Variants in CENPK observed in about 807,000 individuals in gnomAD.
The protein encoded by CENPK is centromere protein K, also known as SoxLZ/Sox6-binding protein Solt.
CENPK carries 46 observed loss-of-function variants against 40.9 expected under a neutral mutation model. The observed-to-expected ratio is 1.13, with a 90% CI of 0.89 to 1.44. The LOEUF (loss-of-function observed/expected upper bound fraction) is 1.44, where lower values mean the gene tolerates loss of function less well. CENPK is among the 40% of genes most tolerant of loss of function. The pLI is 0.00. For missense variants in CENPK, 288 were observed against 303.5 expected (o/e 0.95, Z 0.38); for synonymous variants, 107 against 104.4 (o/e 1.02, Z -0.15).
At chr5:65,558,420 A>G (rs1236043641) in intron 2 of CENPK, among the ~76,000 whole-genome samples, 1 of 152,214 alleles carries the variant, frequency 6.6e-6, no homozygotes, top group Non-Finnish European at 1.5e-5. Flanking sequence ...GGTCATCAGA[A>G]TATCAAGAGT....
At chr5:65,549,278 G>A (rs758686518) in intron 5 of CENPK, among the ~76,000 whole-genome samples, 5 of 152,104 alleles carry the variant, frequency 3.3e-5, no homozygotes, top group African/African-American at 1.2e-4. Flanking sequence ...CTATAAACAG[G>A]TGTACTGTCA....
At chr5:65,557,225 C>T (rs543381283) in intron 2 of CENPK, among the ~76,000 whole-genome samples, 1 of 152,254 alleles carries the variant, frequency 6.6e-6, no homozygotes, top group South Asian at 2.1e-4. Context: ...GGAGACAGGT[C>T]AAGTAAATTA....
rs545743790 is a variant in CENPK at position 65,537,036 on chromosome 5, T to C, written c.288+5766A>G. Among the ~76,000 whole-genome samples, 17 of 152,336 alleles carry C rather than the reference T, an allele frequency of 1.1e-4. No individual in the cohort carries two copies. The East Asian group carries it at 3.1e-3, about 28-fold the overall frequency. ...ACTTCCACCTTCTATCCTTTTGCTG[T>C]GCTATAATACAGTAAGATGGCCTTC... is the stretch of plus-strand genomic sequence containing the variant. On this transcript the variant is annotated intron_variant, in intron 6 of 10. Transcript: ENST00000396679.
At chr5:65,559,629 A>AG (rs1491143511) in intron 2 of CENPK, among the ~76,000 whole-genome samples, 2 of 136,368 alleles carry the variant, frequency 1.5e-5, no homozygotes, top group African/African-American at 2.8e-5. Context: ...ACTCCGTCTC[A>AG]GAAAAAAAAA....
intron 9 of CENPK, among the ~76,000 whole-genome samples, chr5:65,525,743 T>C (rs913253180): frequency 6.6e-6 from 1 of 152,180 alleles, no homozygotes; most frequent in Non-Finnish European, 1.5e-5. Context: ...CCAATATGAA[T>C]GGTTTCCTCA....
intron 6 of CENPK, among the ~76,000 whole-genome samples, chr5:65,539,173 A>G (rs947645471): frequency 9.8e-5 from 15 of 152,328 alleles, no homozygotes; most frequent in African/African-American, 3.6e-4. Flanking sequence ...CTGGACATTC[A>G]TATTTAAAAC....
At chr5:65,542,991 T>C (rs1748245255) in intron 5 of CENPK, 143 bp from the exon 6 acceptor site, 3 of 648,720 alleles carry the variant, frequency 4.6e-6, no homozygotes, top group Middle Eastern at 8.7e-4. Flanking sequence ...CAAGGCAGAG[T>C]TTCCCTCTTG....
chr5:65,497,358 G>A, the CENPK span, among the ~76,000 whole-genome samples: 2 of 151,806 alleles, frequency 1.3e-5, no homozygotes, highest in Non-Finnish European at 2.9e-5. Flanking sequence ...GACAAAGTGG[G>A]ACTCCCTTTC....
chr5:65,545,322 GCGCA>G lies in CENPK; in HGVS notation c.242-2478_242-2475del, dbSNP rs1161896390. ...AAGACAAAGAAAAAGTCCTCAAAGC[GCGCA>G]CACACACACACACACACACACACAC... is the stretch of plus-strand genomic sequence containing the variant. On this transcript the variant is annotated intron_variant, in intron 5 of 10. Transcript: ENST00000396679. Among the ~76,000 whole-genome samples, 386 of 133,192 alleles carry G rather than the reference GCGCA, an allele frequency of 2.9e-3. 20 individuals are homozygous for G. Among genetic ancestry groups the G allele is most frequent in the African/African-American group, 0.011 (338 of 32,126 alleles). 87.4% of individuals were successfully genotyped at this position (133,192 alleles called of 152,430 possible).
intron 5 of CENPK, chr5:65,551,269 A>AGG: frequency 3.0e-6 from 1 of 338,082 alleles, no homozygotes; most frequent in Non-Finnish European, 5.6e-6. Flanking sequence ...AAAAAAAAAA[A>AGG]AAAGGAACAA....
intron 1 of CENPK, 183 bp downstream of exon 1, chr5:65,562,915 C>T (rs1476423159): frequency 6.2e-6 from 1 of 161,312 alleles, no homozygotes; most frequent in Non-Finnish European, 1.4e-5. Context: ...ACCCTTCCAT[C>T]TTTCTCTAAA....
chr5:65,524,732 G>C (rs1305835383), intron 9 of CENPK: 1 of 152,688 alleles, frequency 6.5e-6, no homozygotes, highest in East Asian at 1.9e-4. Flanking sequence ...TAGAATGAAG[G>C]CTAAATATAA....
intron 9 of CENPK, among the ~76,000 whole-genome samples, chr5:65,524,071 A>G (rs142806706): frequency 1.3e-5 from 2 of 152,282 alleles, no homozygotes; most frequent in Admixed American, 6.5e-5. Context: ...GAAGGATTAA[A>G]CTTAACAACT....
chr5:65,534,552 G>A (rs1193492180), intron 6 of CENPK, among the ~76,000 whole-genome samples: 1 of 152,052 alleles, frequency 6.6e-6, no homozygotes, highest in African/African-American at 2.4e-5. Flanking sequence ...ACAGAATAGA[G>A]AAAAACAGAG....
intron 5 of CENPK, among the ~76,000 whole-genome samples, chr5:65,544,975 C>A (rs1748634523): frequency 6.6e-6 from 1 of 152,098 alleles, no homozygotes; most frequent in African/African-American, 2.4e-5. Context: ...GTACTTAACA[C>A]TACTGTGAAC....
At chr5:65,509,813 C>T in the CENPK span, among the ~76,000 whole-genome samples, 1 of 152,190 alleles carries the variant, frequency 6.6e-6, no homozygotes, top group Non-Finnish European at 1.5e-5. Context: ...CACTTTGTGT[C>T]TCTCTGTAAC....
At chr5:65,545,403 C>G (rs993533569) in intron 5 of CENPK, among the ~76,000 whole-genome samples, 1 of 149,610 alleles carries the variant, frequency 6.7e-6, no homozygotes, top group African/African-American at 2.5e-5. Context: ...AAAGCAAAAC[C>G]GATCAGAATG....
intron 5 of CENPK, 44 bp from the exon 6 acceptor site, chr5:65,542,892 A>T: frequency 6.6e-7 from 1 of 1,520,788 alleles, no homozygotes; most frequent in Non-Finnish European, 9.0e-7. Context: ...TATTTAGTTA[A>T]TTCTCAAAAA....
At chr5:65,516,025 T>C (rs768017088), downstream of CENPK, among the ~76,000 whole-genome samples, 1 of 152,208 alleles carries the variant, frequency 6.6e-6, no homozygotes, top group Non-Finnish European at 1.5e-5. Context: ...AAGCTTTCTG[T>C]GTCCCTTCTT....
Sources: allele counts gnomAD v4.1 joint callset (sites outside exome capture counted in the v4.1 genomes callset), GRCh38; gene constraint gnomAD v4.1.1; transcripts MANE v1.5; gene names NCBI Gene and HGNC (gene_info 2026-07-23, HGNC 2026-07-21).